The following PKN2 variants were observed in gnomAD, a reference collection of about 807,000 sequenced individuals.
PKN2 encodes serine/threonine-protein kinase N2.
PKN2 carries 38 observed loss-of-function variants against 119.1 expected under a neutral mutation model. The ratio of observed to expected loss-of-function variants is 0.32; its 90% confidence interval spans 0.25 to 0.42. The LOEUF is 0.42. Among genes scored for constraint, PKN2 ranks in the 10% least tolerant of loss-of-function variants. PKN2 has a pLI of 1.00. For missense variants in PKN2, 850 were observed against 1,165.1 expected, an observed-to-expected ratio of 0.73 and a Z score of 3.94; for synonymous variants, 390 against 384.9, an observed-to-expected ratio of 1.01 and a Z score of -0.15.
chr1:88,710,408 C>T (rs1193343650), intron 1 of PKN2, among the ~76,000 whole-genome samples: 2 of 152,076 alleles, frequency 1.3e-5, no homozygotes, highest in African/African-American at 4.8e-5. Context: ...TCTTTACATT[C>T]TATGGTATTT....
At position 88,828,656 on chromosome 1, in the gene PKN2, G is replaced by A. The variant is rs370084683; in HGVS notation, c.2562+33G>A. ...GTGTGAAATAGGTAAGAGAACAGAG[G>A]AAGGATGATTGAAATAATAAAGCAT... is the stretch of plus-strand genomic sequence containing the variant. On this transcript the variant is annotated intron_variant, in intron 19 of 21. Coordinates refer to ENST00000370521, the MANE Select transcript of PKN2 (RefSeq NM_006256.4). 10 of 1,557,520 alleles carry A rather than the reference G, an allele frequency of 6.4e-6. No individual in the cohort carries two copies. In the African/African-American group the frequency reaches 1.4e-4, roughly 21 times the overall value.
intron 1 of PKN2, among the ~76,000 whole-genome samples, chr1:88,725,588 G>T (rs549160042): frequency 6.6e-6 from 1 of 152,172 alleles, no homozygotes; most frequent in African/African-American, 2.4e-5. Context: ...TTCTAAATTG[G>T]TTGTTTCATT....
chr1:88,753,722 C>T (rs1019238892), intron 2 of PKN2, among the ~76,000 whole-genome samples: 1 of 141,834 alleles, frequency 7.1e-6, no homozygotes, highest in Admixed American at 6.7e-5. Flanking sequence ...ACAACCAGAT[C>T]TCACTATTGT....
chr1:88,830,624 T>C (rs971844142), intron 19 of PKN2, among the ~76,000 whole-genome samples: 6 of 152,138 alleles, frequency 3.9e-5, no homozygotes, highest in African/African-American at 1.4e-4. Flanking sequence ...ACTGTAGAAT[T>C]AATCCAGTTG....
intron 13 of PKN2, 32 bp downstream of exon 13, chr1:88,807,475 A>C (rs190236091): frequency 3.9e-5 from 62 of 1,605,676 alleles, no homozygotes; most frequent in Admixed American, 2.9e-4. Flanking sequence ...TTGCGACTAC[A>C]TGTTTGGTAC....
intron 8 of PKN2, among the ~76,000 whole-genome samples, chr1:88,795,083 G>A (rs568503105): frequency 1.1e-4 from 17 of 152,198 alleles, no homozygotes; most frequent in Admixed American, 8.5e-4. Flanking sequence ...TCTTTTGCCT[G>A]TCTCTTCAAG....
chr1:88,721,648 G>T (rs1667687116), intron 1 of PKN2, among the ~76,000 whole-genome samples: 1 of 152,100 alleles, frequency 6.6e-6, no homozygotes, highest in Non-Finnish European at 1.5e-5. Context: ...TATAAAGGAG[G>T]TATTATGGTA....
chr1:88,753,566 A>G (rs1669085416), intron 2 of PKN2, among the ~76,000 whole-genome samples: 1 of 152,080 alleles, frequency 6.6e-6, no homozygotes, highest in Non-Finnish European at 1.5e-5. Context: ...CAGGCTGTAC[A>G]GGAAACATGA....
chr1:88,704,950 G>A (rs1036677392), intron 1 of PKN2, among the ~76,000 whole-genome samples: 2 of 151,994 alleles, frequency 1.3e-5, no homozygotes, highest in Admixed American at 1.3e-4. Context: ...TTTCATGATC[G>A]TATCTGCTAT....
chr1:88,751,539 G>C (rs973263473), intron 2 of PKN2, among the ~76,000 whole-genome samples: 2 of 151,892 alleles, frequency 1.3e-5, no homozygotes, highest in Non-Finnish European at 2.9e-5. Flanking sequence ...TGTATAGTTT[G>C]TTTGTCAACT....
At chr1:88,737,545 G>A (rs1026591440) in intron 1 of PKN2, among the ~76,000 whole-genome samples, 2 of 152,234 alleles carry the variant, frequency 1.3e-5, no homozygotes, top group East Asian at 1.9e-4. Context: ...CTACATCCCC[G>A]GGGCACCAAT....
chr1:88,814,359 T>C (rs555634532), intron 16 of PKN2, among the ~76,000 whole-genome samples: 17 of 152,326 alleles, frequency 1.1e-4, no homozygotes, highest in Middle Eastern at 6.8e-3. Context: ...TATATATGCA[T>C]GTGTGTATAT....
intron 1 of PKN2, among the ~76,000 whole-genome samples, chr1:88,689,597 G>A (rs1032306983): frequency 1.3e-5 from 2 of 152,124 alleles, no homozygotes; most frequent in Non-Finnish European, 2.9e-5. Flanking sequence ...GATCACCTGA[G>A]GTCAGGAGTT....
chr1:88,786,336 T>G (rs1670572811), intron 8 of PKN2, 123 bp downstream of exon 8: 1 of 549,380 alleles, frequency 1.8e-6, no homozygotes, highest in Non-Finnish European at 3.2e-6. Flanking sequence ...TTAGATTTTT[T>G]TTTTACATTT....
chr1:88,785,130 C>G (rs892705731), intron 7 of PKN2, among the ~76,000 whole-genome samples: 4 of 152,030 alleles, frequency 2.6e-5, no homozygotes, highest in Non-Finnish European at 4.4e-5. Context: ...AGAATCGTAT[C>G]TTGATTCTTT....
rs1672938587 is a variant in PKN2, at chr1:88,836,192, T to A, written c.*2744T>A. 6.6e-6 allele frequency: 1 copy of A among 152,142 alleles called. No homozygotes were observed. The highest frequency in any genetic ancestry group is 6.6e-5 in the Admixed American group (1 of 15,262). The allele number at this position is 152,142 out of a possible 1,614,324, so 9.4% of individuals were successfully genotyped here. ...TATGTACTTTTCTCTTGTTTGAGGT[T>A]AGCTTATTTTAATTTAGGACCTGGC... On this transcript the variant is annotated 3_prime_UTR_variant, in exon 22 of 22. Coordinates refer to ENST00000370521, the MANE Select transcript of PKN2 (RefSeq NM_006256.4).
intron 2 of PKN2, among the ~76,000 whole-genome samples, chr1:88,746,137 T>G (rs1420487075): frequency 6.6e-6 from 1 of 152,132 alleles, no homozygotes; most frequent in African/African-American, 2.4e-5. Flanking sequence ...CCTTATACGT[T>G]TATAAGACTT....
intron 1 of PKN2, among the ~76,000 whole-genome samples, chr1:88,726,964 G>C (rs775488865): frequency 1.2e-4 from 18 of 151,980 alleles, no homozygotes; most frequent in Admixed American, 4.6e-4. Flanking sequence ...TTCCCTTTTT[G>C]ATGGTAGTGT....
chr1:88,729,297 C>T (rs1330463807), intron 1 of PKN2, among the ~76,000 whole-genome samples: 4 of 152,216 alleles, frequency 2.6e-5, no homozygotes, highest in Non-Finnish European at 4.4e-5. Context: ...TTAGAGCTAT[C>T]ATCATTTCTT....
Sources: allele counts gnomAD v4.1 joint callset (sites outside exome capture counted in the v4.1 genomes callset), GRCh38; gene constraint gnomAD v4.1.1; transcripts MANE v1.5; gene names NCBI Gene and HGNC (gene_info 2026-07-23, HGNC 2026-07-21).